The following USP7 variants were observed in gnomAD, a reference collection of about 807,000 sequenced individuals.
The protein encoded by USP7 is ubiquitin C-terminal hydrolase 7.
A neutral mutation model predicts 162.9 loss-of-function variants in USP7; 9 were observed. The observed-to-expected ratio is 0.06, with a 90% CI of 0.03 to 0.10. The LOEUF (loss-of-function observed/expected upper bound fraction) is 0.10. Ranked by LOEUF, USP7 falls within the 10% of genes least tolerant of loss-of-function variation. USP7 has a pLI of 1.00. For missense variants in USP7, 715 were observed against 1,373.7 expected (o/e 0.52, Z 7.58); for synonymous variants, 562 against 475.9 (o/e 1.18, Z -2.35).
chr16:8,904,304 G>C lies in USP7; in HGVS notation c.1704+131C>G, dbSNP rs372854684. The C allele has an allele frequency of 5.4e-6, 8 of 1,478,608 alleles. No homozygotes were observed. The South Asian group carries it at 9.1e-5, about 17-fold the overall frequency. The allele number at this position is 1,478,608 out of a possible 1,614,324, so 91.6% of individuals were successfully genotyped here. ...GGAGTGGGGACTGACCTGCACTTGC[G>C]TACAGAGATGGATGCCCTGCTGCAT... is the stretch of plus-strand genomic sequence containing the variant. On this transcript the variant is annotated intron_variant, in intron 15 of 30. Coordinates refer to ENST00000344836, the MANE Select transcript of USP7 (RefSeq NM_003470.3).
chr16:8,963,361 GGGCGGCGGCGGC>G lies in USP7; in HGVS notation c.-88_-77del, dbSNP rs920151583. 9.4e-5 allele frequency: 42 copies of G among 448,256 alleles called. No homozygotes were observed. The highest frequency in any genetic ancestry group is 8.0e-4 in the Admixed American group (12 of 14,946). The allele number at this position is 448,256 out of a possible 1,614,324, so 27.8% of individuals were successfully genotyped here. A position where few individuals can be genotyped will look rare whatever the true frequency, so the allele number is the denominator to read the frequency against. On this transcript the variant is annotated 5_prime_UTR_variant, in exon 1 of 31. Transcript: ENST00000344836. ...CCGGCGGGCGGGCGGCGGCGAGCCG[GGGCGGCGGCGGC>G]GGCGGCGGCGGCGGGGCGGCCTCCT...
At chr16:8,895,585 T>C (rs777057526) in intron 27 of USP7, 57 bp downstream of exon 27, 32 of 1,350,894 alleles carry the variant, frequency 2.4e-5, no homozygotes, top group Non-Finnish European at 3.2e-5. Context: ...TATTTAAATA[T>C]GCAGCAGATG....
chr16:8,938,825 G>GT (rs1336386892), intron 1 of USP7, among the ~76,000 whole-genome samples: 2 of 152,064 alleles, frequency 1.3e-5, no homozygotes, highest in African/African-American at 4.8e-5. Flanking sequence ...CATTTACACT[G>GT]TATTAGATAT....
At chr16:8,920,730 G>C (rs1897640374) in intron 4 of USP7, among the ~76,000 whole-genome samples, 1 of 152,138 alleles carries the variant, frequency 6.6e-6, no homozygotes, top group South Asian at 2.1e-4. Context: ...AGCAGGGGAG[G>C]GGCTGGAGAA....
intron 1 of USP7, among the ~76,000 whole-genome samples, chr16:8,934,880 G>T (rs1393605370): frequency 3.3e-5 from 5 of 152,300 alleles, no homozygotes; most frequent in African/African-American, 1.2e-4. Flanking sequence ...AGGAGATCCC[G>T]TTTTTAAAAG....
intron 10 of USP7, among the ~76,000 whole-genome samples, chr16:8,912,795 AAAG>A (rs1181044960): frequency 6.6e-6 from 1 of 152,146 alleles, no homozygotes. Context: ...CATAGAAAAA[AAAG>A]AAGAGATAAA....
At chr16:8,904,357 G>T in intron 15 of USP7, 78 bp downstream of exon 15, 1 of 1,575,178 alleles carries the variant, frequency 6.3e-7, no homozygotes, top group Non-Finnish European at 8.6e-7. Flanking sequence ...AGAGGGGTGG[G>T]GGCTGACCTG....
chr16:8,909,023 G>T (rs1049773131), intron 11 of USP7, among the ~76,000 whole-genome samples: 1 of 152,206 alleles, frequency 6.6e-6, no homozygotes, highest in Non-Finnish European at 1.5e-5. Flanking sequence ...CCACTTCTAA[G>T]AAAATGTTCT....
intron 1 of USP7, 116 bp downstream of exon 1, chr16:8,963,091 G>C: frequency 3.1e-6 from 3 of 982,114 alleles, no homozygotes; most frequent in Non-Finnish European, 3.8e-6. Context: ...GCCGAGGCCC[G>C]GCGGCCGCCC....
At chr16:8,913,383 GAGAGA>G (rs1371366603) in intron 10 of USP7, among the ~76,000 whole-genome samples, 1 of 151,880 alleles carries the variant, frequency 6.6e-6, no homozygotes, top group African/African-American at 2.4e-5. Context: ...GGGAAGACAG[GAGAGA>G]AGAGAAGTGA....
intron 1 of USP7, among the ~76,000 whole-genome samples, chr16:8,949,023 T>C (rs1899428467): frequency 6.6e-6 from 1 of 152,168 alleles, no homozygotes; most frequent in Non-Finnish European, 1.5e-5. Context: ...ATCCATAGAT[T>C]AGTGGTGACT....
chr16:8,918,101 T>C (rs574282596), intron 6 of USP7, among the ~76,000 whole-genome samples: 9 of 152,336 alleles, frequency 5.9e-5, no homozygotes, highest in African/African-American at 1.9e-4. Flanking sequence ...TGGAGCACCA[T>C]TTCTTAACTT....
chr16:8,908,507 A>T, intron 11 of USP7, 57 bp from the exon 12 acceptor site: 1 of 1,474,982 alleles, frequency 6.8e-7, no homozygotes, highest in Non-Finnish European at 9.3e-7. Context: ...CCTGGAAGCA[A>T]TGAAAGCAAC....
At chr16:8,960,482 T>C (rs1028946246) in intron 1 of USP7, among the ~76,000 whole-genome samples, 3 of 152,166 alleles carry the variant, frequency 2.0e-5, no homozygotes, top group African/African-American at 7.2e-5. Flanking sequence ...GACCTATTGA[T>C]AGAGACAAAA....
intron 1 of USP7, among the ~76,000 whole-genome samples, chr16:8,946,895 C>G (rs1567244059): frequency 6.6e-6 from 1 of 152,192 alleles, no homozygotes; most frequent in African/African-American, 2.4e-5. Flanking sequence ...TTTAGCAGAC[C>G]TGTAAAACTT....
chr16:8,911,179 C>T (rs2061941036), intron 10 of USP7, among the ~76,000 whole-genome samples: 1 of 152,144 alleles, frequency 6.6e-6, no homozygotes, highest in Admixed American at 6.5e-5. Context: ...CAGAGATGCA[C>T]AAATGTGAAT....
chr16:8,963,329 TG>T lies in USP7; in HGVS notation c.-45del. The T allele has an allele frequency of 1.2e-6, 1 of 834,962 alleles. No homozygotes were observed. The highest frequency in any genetic ancestry group is 1.5e-6 in the Non-Finnish European group (1 of 686,868). 51.7% of individuals were successfully genotyped at this position (834,962 alleles called of 1,614,324 possible). A position where few individuals can be genotyped will look rare whatever the true frequency, so the allele number is the denominator to read the frequency against. The stretch of plus-strand genomic sequence containing the variant: ...CTCGCCTGCGGCCGGGGGCCGGGGC[TG>T]CGAGCCCGGCGGGCGGGCGGCGGCG... On this transcript the variant is annotated 5_prime_UTR_variant, in exon 1 of 31. Coordinates refer to ENST00000344836, the MANE Select transcript of USP7 (RefSeq NM_003470.3).
intron 1 of USP7, among the ~76,000 whole-genome samples, chr16:8,943,326 T>C (rs1019096018): frequency 4.0e-5 from 6 of 151,390 alleles, no homozygotes; most frequent in Non-Finnish European, 7.4e-5. Context: ...TAATTACGCC[T>C]GTACTGCTTC....
chr16:8,955,704 C>CAAAAAA (rs58029349), intron 1 of USP7, among the ~76,000 whole-genome samples: 23 of 100,994 alleles, frequency 2.3e-4, no homozygotes, highest in Non-Finnish European at 3.5e-4. Context: ...GATTCCATCT[C>CAAAAAA]AAAAAAAAAA....
Sources: allele counts gnomAD v4.1 joint callset (sites outside exome capture counted in the v4.1 genomes callset), GRCh38; gene constraint gnomAD v4.1.1; transcripts MANE v1.5; gene names NCBI Gene and HGNC (gene_info 2026-07-23, HGNC 2026-07-21).